USP24: variants seen among roughly 807,000 people sequenced by gnomAD.
USP24 encodes the protein ubiquitin carboxyl-terminal hydrolase 24.
In USP24, 97 loss-of-function variants were observed where a neutral mutation model predicts 361.6. That is an observed-to-expected ratio of 0.27 (90% CI 0.23 to 0.32). The LOEUF (loss-of-function observed/expected upper bound fraction) is 0.32. USP24 is among the 10% of genes least tolerant of loss of function. The pLI, the probability that USP24 is intolerant of heterozygous loss-of-function variation, is 1.00. For missense variants in USP24, 2,353 were observed against 3,165.6 expected (o/e 0.74, Z 6.16); for synonymous variants, 1,098 against 1,124.6 (o/e 0.98, Z 0.47).
intron 1 of USP24, among the ~76,000 whole-genome samples, chr1:55,181,348 G>T (rs942197979): frequency 1.3e-5 from 2 of 152,166 alleles, no homozygotes; most frequent in African/African-American, 2.4e-5. Flanking sequence ...GGTAGAAGGA[G>T]GGGGTGATGA....
rs188275588 is a variant in USP24 at position 55,142,713 on chromosome 1, A to G, written c.2634+29T>C. The G allele has an allele frequency of 4.3e-5, 61 of 1,405,114 alleles. No homozygotes were observed. The African/African-American group carries it at 8.7e-4, about 20-fold the overall frequency. The allele number at this position is 1,405,114 out of a possible 1,614,324, so 87.0% of individuals were successfully genotyped here. ...GAAAGAAAAAAAGCATTTACCTCAA[A>G]GAGATGTTAAATAAAATTTGCTACT... On this transcript the variant is annotated intron_variant, in intron 23 of 67. Coordinates refer to ENST00000294383, the MANE Select transcript of USP24 (RefSeq NM_015306.3).
chr1:55,152,259 TC>T (rs575407906), intron 16 of USP24, among the ~76,000 whole-genome samples: 3 of 152,164 alleles, frequency 2.0e-5, no homozygotes, highest in African/African-American at 7.2e-5. Flanking sequence ...ACAAAATAAC[TC>T]CAAAAATTCT....
chr1:55,138,576 GA>G, intron 26 of USP24, 31 bp downstream of exon 26: 1 of 1,463,230 alleles, frequency 6.8e-7, no homozygotes, highest in Non-Finnish European at 9.5e-7. Flanking sequence ...AAGACAACAT[GA>G]AAATGGCTGT....
At chr1:55,162,388 G>C in intron 7 of USP24, 124 bp from the exon 8 acceptor site, 1 of 657,704 alleles carries the variant, frequency 1.5e-6, no homozygotes, top group East Asian at 3.5e-5. Flanking sequence ...GTCATGAATA[G>C]AAGACTAGAG....
chr1:55,115,495 C>CAAAAAAA (rs1165658382), intron 38 of USP24, among the ~76,000 whole-genome samples: 2,159 of 45,808 alleles, frequency 0.047, 414 homozygotes, highest in Middle Eastern at 0.23. Context: ...GACTCCGCCT[C>CAAAAAAA]AAAAAAAAAA....
chr1:55,159,310 G>GT (rs1054686968), intron 9 of USP24, among the ~76,000 whole-genome samples: 3 of 152,170 alleles, frequency 2.0e-5, no homozygotes, highest in African/African-American at 7.2e-5. Flanking sequence ...TGGGTAAGTT[G>GT]TAACACTGTA....
chr1:55,152,686 T>C (rs1254026262), intron 16 of USP24, among the ~76,000 whole-genome samples: 1 of 152,172 alleles, frequency 6.6e-6, no homozygotes, highest in Non-Finnish European at 1.5e-5. Flanking sequence ...AGCAATGTTA[T>C]TGAGTTAAAA....
At chr1:55,136,243 C>A (rs1362015555) in intron 28 of USP24, among the ~76,000 whole-genome samples, 1 of 152,026 alleles carries the variant, frequency 6.6e-6, no homozygotes, top group Non-Finnish European at 1.5e-5. Context: ...ACAGTTTAGG[C>A]ACAGGGAAGA....
chr1:55,102,393 A>G (rs573339706), intron 42 of USP24, among the ~76,000 whole-genome samples: 1 of 152,346 alleles, frequency 6.6e-6, no homozygotes, highest in South Asian at 2.1e-4. Flanking sequence ...AGCATAGTGG[A>G]TAAAGTTCAA....
At chr1:55,167,973 G>C (rs1649055242) in intron 5 of USP24, among the ~76,000 whole-genome samples, 1 of 152,156 alleles carries the variant, frequency 6.6e-6, no homozygotes, top group Admixed American at 6.5e-5. Context: ...TTGGGCCACA[G>C]AGATATAAAT....
At chr1:55,199,397 G>A (rs1186148154) in intron 1 of USP24, among the ~76,000 whole-genome samples, 1 of 152,066 alleles carries the variant, frequency 6.6e-6, no homozygotes, top group Non-Finnish European at 1.5e-5. Flanking sequence ...AGAGGATATT[G>A]CAGTATAAGT....
At position 55,068,982 on chromosome 1, in the gene USP24, T is replaced by C. The variant is rs1396898933; in HGVS notation, c.*63A>G. ...TCTTCCAAAGGGTTCGAGATTCTGA[T>C]TCCAAGAAGGTGCTGAGCATCCAGT... On this transcript the variant is annotated 3_prime_UTR_variant, in exon 68 of 68. Coordinates refer to ENST00000294383, the MANE Select transcript of USP24 (RefSeq NM_015306.3). 1.9e-6 allele frequency: 3 copies of C among 1,567,274 alleles called. No homozygotes were observed. The highest frequency in any genetic ancestry group is 2.7e-5 in the African/African-American group (2 of 73,836).
chr1:55,083,525 G>A (rs1557536365), intron 57 of USP24, among the ~76,000 whole-genome samples, 161 bp from the exon 58 acceptor site: 1 of 152,040 alleles, frequency 6.6e-6, no homozygotes. Flanking sequence ...AAAAACTCCT[G>A]AGCCTCACAT....
chr1:55,132,533 T>A lies in USP24; in HGVS notation c.3537+12A>T, dbSNP rs780794462. 2 of 1,600,612 alleles carry A rather than the reference T, an allele frequency of 1.2e-6. No homozygotes were observed. The highest frequency in any genetic ancestry group is 1.7e-6 in the Non-Finnish European group (2 of 1,173,662). ...CTGTCAAAATGAAATGGAAAGAAAT[T>A]AGGTTTCTTACTTCTAAGTTGTAGA... is the stretch of plus-strand genomic sequence containing the variant. On this transcript the variant is annotated intron_variant, in intron 31 of 67. Coordinates refer to ENST00000294383, the MANE Select transcript of USP24 (RefSeq NM_015306.3).
In USP24 at chr1:55,075,580, G is replaced by A. The variant is rs144517256; in HGVS notation, c.7381-57C>T. ...AAAAGAAGGAACTTGTCATAGCCAC[G>A]GGTGCTTTCTTTATAATTCTACCCA... On this transcript the variant is annotated intron_variant, in intron 62 of 67. Transcript: ENST00000294383. 624 of 1,316,458 alleles carry A rather than the reference G, an allele frequency of 4.7e-4. 5 individuals are homozygous for A. The East Asian group carries it at 0.014, about 31-fold the overall frequency. The allele number at this position is 1,316,458 out of a possible 1,614,324, so 81.5% of individuals were successfully genotyped here. A position where few individuals can be genotyped will look rare whatever the true frequency, so the allele number is the denominator to read the frequency against.
chr1:55,093,551 A>C (rs778215488), intron 52 of USP24: 17 of 170,238 alleles, frequency 1.0e-4, no homozygotes, highest in Non-Finnish European at 5.1e-5. Context: ...ATAATGGCCA[A>C]TGATTGTTTT....
chr1:55,143,470 A>G (rs1219331250), intron 21 of USP24, among the ~76,000 whole-genome samples: 2 of 152,176 alleles, frequency 1.3e-5, no homozygotes, highest in Non-Finnish European at 2.9e-5. Context: ...AAAAGGAAAC[A>G]GTCAAGCCAG....
intron 1 of USP24, among the ~76,000 whole-genome samples, chr1:55,187,226 G>C (rs1308237655): frequency 6.9e-6 from 1 of 144,174 alleles, no homozygotes; most frequent in African/African-American, 2.8e-5. Context: ...TTCACAAAAT[G>C]TAACACCATT....
chr1:55,098,658 G>A (rs1270881984), intron 45 of USP24, 100 bp from the exon 46 acceptor site: 44 of 830,642 alleles, frequency 5.3e-5, no homozygotes, highest in South Asian at 2.5e-4. Flanking sequence ...AAAACAAAAC[G>A]CGTCATTCTG....
Sources: allele counts gnomAD v4.1 joint callset (sites outside exome capture counted in the v4.1 genomes callset), GRCh38; gene constraint gnomAD v4.1.1; transcripts MANE v1.5; gene names NCBI Gene and HGNC (gene_info 2026-07-23, HGNC 2026-07-21).